Variants in STK32B observed in about 807,000 individuals in gnomAD.
The protein encoded by STK32B is serine/threonine kinase 32B, also known as serine/threonine-protein kinase 32B.
A neutral mutation model predicts 52.6 loss-of-function variants in STK32B; 43 were observed. The ratio of observed to expected loss-of-function variants is 0.82; its 90% CI spans 0.64 to 1.05. STK32B has a LOEUF of 1.05. Among genes scored for constraint, STK32B ranks in the 50% least tolerant of loss-of-function variants. The pLI, the probability that STK32B is intolerant of heterozygous loss-of-function variation, is 0.00. For missense variants in STK32B, 621 were observed against 534.6 expected (o/e 1.16, Z -1.59); for synonymous variants, 238 against 204.3 (o/e 1.17, Z -1.41).
intron 3 of STK32B, among the ~76,000 whole-genome samples, chr4:5,317,105 A>G (rs1480309634): frequency 1.8e-5 from 1 of 56,160 alleles, no homozygotes; most frequent in Non-Finnish European, 2.6e-5. Context: ...ATGATATAAT[A>G]TATAATATAT....
intron 2 of STK32B, among the ~76,000 whole-genome samples, chr4:5,156,066 T>G (rs572371429): frequency 1.8e-4 from 28 of 151,924 alleles, no homozygotes; most frequent in African/African-American, 6.5e-4. Flanking sequence ...AGTACACATA[T>G]TCATAGATAC....
chr4:5,355,172 G>A (rs1056337409), intron 4 of STK32B, among the ~76,000 whole-genome samples: 2 of 152,196 alleles, frequency 1.3e-5, no homozygotes, highest in Admixed American at 6.5e-5. Flanking sequence ...CAGGGATGTT[G>A]AGAAAACAAA....
At chr4:5,317,190 AAC>A (rs1394294501) in intron 3 of STK32B, among the ~76,000 whole-genome samples, 1 of 51,536 alleles carries the variant, frequency 1.9e-5, no homozygotes, top group African/African-American at 1.9e-4. Flanking sequence ...ATATATATAT[AAC>A]ATATATATAT....
chr4:5,080,444 T>C (rs1281836592), intron 1 of STK32B, among the ~76,000 whole-genome samples: 1 of 152,212 alleles, frequency 6.6e-6, no homozygotes, highest in Non-Finnish European at 1.5e-5. Flanking sequence ...CTTGCATGAC[T>C]ACTTCTTCCT....
rs556666447 is a variant in STK32B at position 5,275,421 on chromosome 4, A to G, written c.261-55799A>G. Among the ~76,000 whole-genome samples the G allele has an allele frequency of 4.6e-5, 7 of 152,230 alleles. 1 individual carries two copies. In the South Asian group the frequency reaches 1.0e-3, roughly 23 times the overall value. ...CTGCCACTAATCAATTTTGATGCAAATATCTTTTTATCGTGGTTCATGTCT... is the reference window on the plus strand; with the variant it reads ...CTGCCACTAATCAATTTTGATGCAAGTATCTTTTTATCGTGGTTCATGTCT... On this transcript the variant is annotated intron_variant, in intron 3 of 11. Coordinates refer to ENST00000282908, the MANE Select transcript of STK32B (RefSeq NM_018401.3).
intron 4 of STK32B, among the ~76,000 whole-genome samples, chr4:5,379,334 C>G (rs370998228): frequency 6.6e-6 from 1 of 152,226 alleles, no homozygotes; most frequent in Admixed American, 6.5e-5. Flanking sequence ...GCAGCCTTGT[C>G]TCTGTGCTGA....
intron 3 of STK32B, among the ~76,000 whole-genome samples, chr4:5,299,286 C>G (rs1390362422): frequency 1.3e-5 from 2 of 152,056 alleles, no homozygotes; most frequent in Non-Finnish European, 2.9e-5. Context: ...TTAAAATCCT[C>G]TTTTAACAGT....
chr4:5,409,750 C>T (rs1479760005), intron 5 of STK32B, among the ~76,000 whole-genome samples: 1 of 152,072 alleles, frequency 6.6e-6, no homozygotes, highest in Non-Finnish European at 1.5e-5. Context: ...TTTCTTGTCA[C>T]TGGTTGTTGT....
In STK32B at chr4:5,456,814, A is replaced by AC; in HGVS notation, c.675dup (p.Glu226ArgfsTer10). ...GTTGTTCTTTGATTGCAGAGGCCGTACGAAATCCACTCGGTCACGCCCATC... is the reference window on the plus strand; with the variant it reads ...GTTGTTCTTTGATTGCAGAGGCCGTACCGAAATCCACTCGGTCACGCCCATC... On this transcript the variant is annotated frameshift_variant, in exon 8 of 12. Coordinates refer to ENST00000282908, the MANE Select transcript of STK32B (RefSeq NM_018401.3). LOFTEE classifies it high-confidence loss of function. 1 of 1,579,574 alleles carries AC rather than the reference A, an allele frequency of 6.3e-7. No individual in the cohort carries two copies. Among genetic ancestry groups the AC allele is most frequent in the Non-Finnish European group, 8.6e-7 (1 of 1,159,076 alleles).
chr4:5,190,017 A>G (rs896552794), intron 3 of STK32B, among the ~76,000 whole-genome samples: 7 of 152,140 alleles, frequency 4.6e-5, no homozygotes, highest in African/African-American at 1.4e-4. Flanking sequence ...CTTCCCCACA[A>G]ATCATATGTG....
the STK32B span, among the ~76,000 whole-genome samples, chr4:5,021,135 T>A: frequency 1.3e-5 from 2 of 152,180 alleles, no homozygotes; most frequent in African/African-American, 4.8e-5. Flanking sequence ...CCCACTGTAT[T>A]TGCCAGGAGA....
At chr4:5,319,775 C>T (rs1731365960) in intron 3 of STK32B, among the ~76,000 whole-genome samples, 1 of 152,114 alleles carries the variant, frequency 6.6e-6, no homozygotes, top group Non-Finnish European at 1.5e-5. Flanking sequence ...CTCAGAATCC[C>T]TGGGAGGCAG....
chr4:5,358,278 G>T (rs76131435), intron 4 of STK32B, among the ~76,000 whole-genome samples: 2,223 of 152,324 alleles, frequency 0.015, 58 homozygotes, highest in African/African-American at 0.049. Flanking sequence ...AAATCTGAGA[G>T]CAGAATATGA....
chr4:5,318,949 G>A (rs1197141148), intron 3 of STK32B, among the ~76,000 whole-genome samples: 3 of 151,940 alleles, frequency 2.0e-5, no homozygotes, highest in Non-Finnish European at 2.9e-5. Flanking sequence ...ACAGGTGCCC[G>A]CCACCATGCC....
At chr4:5,252,734 A>G (rs551837674) in intron 3 of STK32B, among the ~76,000 whole-genome samples, 3 of 152,178 alleles carry the variant, frequency 2.0e-5, no homozygotes, top group Non-Finnish European at 4.4e-5. Flanking sequence ...ACCACTTCTA[A>G]CCTGCGTGGT....
chr4:5,358,701 GCA>G (rs59614605), intron 4 of STK32B, among the ~76,000 whole-genome samples: 57 of 106,364 alleles, frequency 5.4e-4, no homozygotes, highest in Middle Eastern at 4.7e-3. Flanking sequence ...TCACACACAT[GCA>G]CACACACACA....
chr4:5,243,405 T>A (rs895817011), intron 3 of STK32B, among the ~76,000 whole-genome samples: 2 of 152,214 alleles, frequency 1.3e-5, no homozygotes, highest in South Asian at 4.1e-4. Context: ...ATAAGAATGC[T>A]TGCGATTTTT....
At chr4:5,081,814 T>C (rs1344231415) in intron 1 of STK32B, among the ~76,000 whole-genome samples, 2 of 152,226 alleles carry the variant, frequency 1.3e-5, no homozygotes, top group Admixed American at 6.5e-5. Context: ...TGTGTTCTCC[T>C]ATACCTCACT....
chr4:5,466,815 C>G lies in STK32B; in HGVS notation c.1022C>G (p.Thr341Arg), dbSNP rs1717475291. 1.2e-6 allele frequency: 2 copies of G among 1,613,728 alleles called. No individual in the cohort carries two copies. Among genetic ancestry groups the G allele is most frequent in the Non-Finnish European group, 1.7e-6 (2 of 1,179,816 alleles). Residue 341 changes from threonine (T) to arginine (R), a missense_variant, in exon 10 of 12, where the codon ACA becomes AGA. Transcript: ENST00000282908. Reference protein sequence around the residue: ...RLAKNRSRDGTKDSCPLNGHL... With the variant: ...RLAKNRSRDGRKDSCPLNGHL... ...GCAAAGAACAGATCCAGGGATGGCA[C>G]AAAGGACAGCTGCCCGCTGGTGAGT...
Sources: allele counts gnomAD v4.1 joint callset (sites outside exome capture counted in the v4.1 genomes callset), GRCh38; gene constraint gnomAD v4.1.1; transcripts MANE v1.5; gene names NCBI Gene and HGNC (gene_info 2026-07-23, HGNC 2026-07-21).